CRPPA: variants seen among roughly 807,000 people sequenced by gnomAD.
The protein encoded by CRPPA is CDP-L-ribitol pyrophosphorylase A.
CRPPA carries 43 observed loss-of-function variants against 52.0 expected under a neutral mutation model. The observed-to-expected ratio is 0.83, with a 90% CI of 0.65 to 1.07. CRPPA has a LOEUF of 1.07. Ranked by LOEUF, CRPPA falls within the 50% of genes least tolerant of loss-of-function variation. The probability of loss-of-function intolerance (pLI) is 0.00; values close to 1 mark genes in which losing one functional copy is unlikely to be tolerated. For synonymous variants in CRPPA, 250 were observed against 203.5 expected (o/e 1.23, Z -1.94); for missense variants, 629 against 551.7 (o/e 1.14, Z -1.40).
At chr7:16,327,577 G>A (rs1420393380) in intron 3 of CRPPA, among the ~76,000 whole-genome samples, 1 of 139,840 alleles carries the variant, frequency 7.2e-6, no homozygotes, top group African/African-American at 2.8e-5. Flanking sequence ...TCCGGCCTGG[G>A]CGACAGAGCG....
At chr7:16,319,084 T>C (rs996004649) in intron 3 of CRPPA, among the ~76,000 whole-genome samples, 1 of 152,162 alleles carries the variant, frequency 6.6e-6, no homozygotes, top group Non-Finnish European at 1.5e-5. Context: ...CAGTATTGAG[T>C]GTTTAAATCA....
At chr7:16,415,706 G>A (rs754574583) in intron 1 of CRPPA, among the ~76,000 whole-genome samples, 1 of 152,100 alleles carries the variant, frequency 6.6e-6, no homozygotes. Flanking sequence ...AGGTTACCAC[G>A]CGCCTAGCTC....
chr7:16,155,398 A>G (rs1483262402), intron 9 of CRPPA, among the ~76,000 whole-genome samples: 1 of 152,178 alleles, frequency 6.6e-6, no homozygotes, highest in Non-Finnish European at 1.5e-5. Context: ...GGACAACATA[A>G]GTCTATGCAG....
chr7:16,316,878 T>A (rs569107785), intron 3 of CRPPA, among the ~76,000 whole-genome samples: 2 of 152,036 alleles, frequency 1.3e-5, no homozygotes, highest in Non-Finnish European at 2.9e-5. Flanking sequence ...AATATTAAGT[T>A]ATTTAAAAAT....
chr7:16,414,833 T>A (rs991532010), intron 1 of CRPPA, among the ~76,000 whole-genome samples: 1 of 152,214 alleles, frequency 6.6e-6, no homozygotes, highest in Non-Finnish European at 1.5e-5. Context: ...CAGCATAAAG[T>A]AGAAATGAGT....
At chr7:16,196,090 T>C (rs982874264) in intron 9 of CRPPA, among the ~76,000 whole-genome samples, 1 of 151,370 alleles carries the variant, frequency 6.6e-6, no homozygotes, top group African/African-American at 2.4e-5. Flanking sequence ...ATGTAGTATA[T>C]GTGTATATAC....
At chr7:16,397,517 T>A (rs1787632381) in intron 2 of CRPPA, among the ~76,000 whole-genome samples, 1 of 151,690 alleles carries the variant, frequency 6.6e-6, no homozygotes, top group South Asian at 2.1e-4. Context: ...CATGTGAACA[T>A]GTGACATGAT....
At chr7:16,358,404 T>C (rs1786360315) in intron 3 of CRPPA, among the ~76,000 whole-genome samples, 1 of 152,164 alleles carries the variant, frequency 6.6e-6, no homozygotes, top group Non-Finnish European at 1.5e-5. Flanking sequence ...TATATAAAGG[T>C]AGCTCTTACC....
At chr7:16,374,566 T>A (rs1253784812) in intron 3 of CRPPA, among the ~76,000 whole-genome samples, 1 of 152,190 alleles carries the variant, frequency 6.6e-6, no homozygotes. Flanking sequence ...GTCAACACTA[T>A]TATGTATTTT....
chr7:16,170,363 G>A (rs1043144340), intron 9 of CRPPA, among the ~76,000 whole-genome samples: 2 of 152,130 alleles, frequency 1.3e-5, no homozygotes, highest in Admixed American at 6.5e-5. Flanking sequence ...GCAGACCCTC[G>A]CGGTGAGTGT....
chr7:16,134,539 A>T (rs1782730784), intron 9 of CRPPA, among the ~76,000 whole-genome samples: 1 of 152,234 alleles, frequency 6.6e-6, no homozygotes, highest in Non-Finnish European at 1.5e-5. Flanking sequence ...GGTCAACAGT[A>T]GGTTAGTAGT....
intron 3 of CRPPA, among the ~76,000 whole-genome samples, chr7:16,374,619 T>A (rs1266429144): frequency 6.6e-6 from 1 of 152,186 alleles, no homozygotes; most frequent in East Asian, 1.9e-4. Context: ...AGTCTTCTCA[T>A]CACATCTACC....
chr7:16,369,140 T>C (rs1786683202), intron 3 of CRPPA, among the ~76,000 whole-genome samples: 1 of 152,172 alleles, frequency 6.6e-6, no homozygotes, highest in Non-Finnish European at 1.5e-5. Flanking sequence ...GGAAGGGCTT[T>C]ATTCAGCTGG....
chr7:16,203,839 T>C (rs1781911162), intron 9 of CRPPA, among the ~76,000 whole-genome samples: 1 of 152,198 alleles, frequency 6.6e-6, no homozygotes, highest in Non-Finnish European at 1.5e-5. Flanking sequence ...CCAGTAAATT[T>C]AGCTGAAACT....
At chr7:16,282,421 C>A (rs182135961) in intron 5 of CRPPA, among the ~76,000 whole-genome samples, 3 of 151,826 alleles carry the variant, frequency 2.0e-5, no homozygotes, top group Admixed American at 2.0e-4. Flanking sequence ...GTTTAAACAC[C>A]ACCCCATTAA....
At chr7:16,321,982 C>T (rs1785275515) in intron 3 of CRPPA, among the ~76,000 whole-genome samples, 1 of 152,062 alleles carries the variant, frequency 6.6e-6, no homozygotes, top group African/African-American at 2.4e-5. Context: ...ACAGAAGAAA[C>T]TAAAAGAGAC....
rs115124276 is a variant in CRPPA at position 16,091,988 on chromosome 7, T to C, written c.1252-189A>G. On this transcript the variant is annotated intron_variant, in intron 9 of 9. Coordinates refer to ENST00000407010, the MANE Select transcript of CRPPA (RefSeq NM_001101426.4). ...ATACTTTCACAAACACTTTTCATTA[T>C]AGACCAAAAAATATTTGCTTAAGAT... is the stretch of plus-strand genomic sequence containing the variant. Among the ~76,000 whole-genome samples the C allele has an allele frequency of 5.5e-3, 844 of 152,358 alleles. 8 individuals carry two copies. Among genetic ancestry groups the C allele is most frequent in the African/African-American group, 0.019 (771 of 41,592 alleles).
intron 6 of CRPPA, among the ~76,000 whole-genome samples, chr7:16,265,403 T>G (rs1363220950): frequency 6.6e-6 from 1 of 152,180 alleles, no homozygotes; most frequent in Non-Finnish European, 1.5e-5. Flanking sequence ...ACTATGCAAC[T>G]TAAAAGTCAC....
chr7:16,253,032 T>G (rs1251891347), intron 8 of CRPPA, among the ~76,000 whole-genome samples: 1 of 152,196 alleles, frequency 6.6e-6, no homozygotes, highest in Admixed American at 6.5e-5. Context: ...TCTATCTATT[T>G]TGTTGATCTT....
Sources: allele counts gnomAD v4.1 joint callset (sites outside exome capture counted in the v4.1 genomes callset), GRCh38; gene constraint gnomAD v4.1.1; transcripts MANE v1.5; gene names NCBI Gene and HGNC (gene_info 2026-07-23, HGNC 2026-07-21).